Variants in FRY observed in about 807,000 individuals in gnomAD.
The protein encoded by FRY is FRY microtubule binding protein.
Under a neutral mutation model 348.4 loss-of-function variants are expected in FRY, and 128 were observed. The observed-to-expected ratio is 0.37, with a 90% confidence interval of 0.32 to 0.43. The LOEUF is 0.43. Among genes scored for constraint, FRY ranks in the 20% least tolerant of loss-of-function variants. The pLI is 1.00. For missense variants in FRY, 2,736 were observed against 3,695.2 expected (o/e 0.74, Z 6.73); for synonymous variants, 1,370 against 1,374.7 (o/e 1.00, Z 0.08).
rs370365512 is a variant in FRY, at chr13:32,254,334, G to A, written c.7356G>A (p.Glu2452=). The change falls in exon 51 of 61, where the codon GAG becomes GAA. Residue 2452 remains glutamate, a synonymous_variant. Coordinates refer to ENST00000542859, the MANE Select transcript of FRY (RefSeq NM_023037.3). The part of the protein sequence containing the change: ...EQENMDDTNS[E]QQFRVFRDFD... ...AGAACATGGATGACACAAACAGCGA[G>A]CAGCAGTTTAGAGTCTTCAGAGACT... The A allele has an allele frequency of 5.0e-6, 8 of 1,613,928 alleles. No individual in the cohort carries two copies. Among genetic ancestry groups the A allele is most frequent in the African/African-American group, 1.3e-5 (1 of 74,924 alleles).
intron 2 of FRY, 34 bp from the exon 3 acceptor site, chr13:32,101,929 T>A: frequency 8.8e-7 from 1 of 1,140,530 alleles, no homozygotes; most frequent in Non-Finnish European, 1.3e-6. Flanking sequence ...GAGACTCTAA[T>A]AATTATTCTT....
intron 55 of FRY, among the ~76,000 whole-genome samples, chr13:32,273,892 G>A (rs1888349960): frequency 1.3e-5 from 2 of 152,140 alleles, no homozygotes; most frequent in African/African-American, 2.4e-5. Flanking sequence ...TACAGGCTGA[G>A]CATCCCAAAT....
intron 1 of FRY, among the ~76,000 whole-genome samples, chr13:32,074,741 A>G (rs1874918854): frequency 2.0e-5 from 3 of 152,370 alleles, no homozygotes; most frequent in Middle Eastern, 3.4e-3. Flanking sequence ...AGCAACAGGA[A>G]CAATTGTTTC....
intron 51 of FRY, chr13:32,261,391 A>T (rs1271976577): frequency 2.8e-6 from 2 of 721,460 alleles, no homozygotes; most frequent in East Asian, 5.0e-5. Context: ...GCCAAAGAAA[A>T]GTATGTAATC....
chr13:32,157,430 T>G (rs1330474722), intron 16 of FRY, 25 bp downstream of exon 16: 1 of 1,607,268 alleles, frequency 6.2e-7, no homozygotes, highest in East Asian at 2.2e-5. Flanking sequence ...GACTAAGTTA[T>G]CAGTGAAAGA....
intron 55 of FRY, among the ~76,000 whole-genome samples, chr13:32,269,896 C>G (rs1303645154): frequency 6.6e-6 from 1 of 152,178 alleles, no homozygotes; most frequent in East Asian, 1.9e-4. Context: ...GTGCAGATAG[C>G]TACTTGGACT....
intron 14 of FRY, among the ~76,000 whole-genome samples, chr13:32,151,871 G>A (rs1358784728): frequency 1.3e-5 from 2 of 152,300 alleles, no homozygotes; most frequent in Non-Finnish European, 2.9e-5. Flanking sequence ...TTAATTCACA[G>A]AGAACATGAT....
chr13:32,139,209 G>GA (rs1296988472), intron 11 of FRY, among the ~76,000 whole-genome samples: 3 of 152,142 alleles, frequency 2.0e-5, no homozygotes, highest in African/African-American at 4.8e-5. Flanking sequence ...AAATACCTGA[G>GA]AAAAAACTAA....
intron 51 of FRY, 50 bp downstream of exon 51, chr13:32,254,444 A>T: frequency 6.8e-7 from 1 of 1,481,248 alleles, no homozygotes. Context: ...TTCCTTGACT[A>T]ATGAAACTAT....
intron 51 of FRY, among the ~76,000 whole-genome samples, chr13:32,256,959 A>G (rs55633516): frequency 6.6e-6 from 1 of 152,162 alleles, no homozygotes; most frequent in African/African-American, 2.4e-5. Context: ...TGCAGTCAAA[A>G]CTTTGTTTCA....
chr13:32,255,105 C>T (rs9285090), intron 51 of FRY, among the ~76,000 whole-genome samples: 4,091 of 152,216 alleles, frequency 0.027, 206 homozygotes, highest in African/African-American at 0.093. Context: ...ATTTCAGTAG[C>T]TTAGAGGCAT....
chr13:32,288,300 A>G (rs897526317), intron 58 of FRY, among the ~76,000 whole-genome samples: 2 of 152,252 alleles, frequency 1.3e-5, no homozygotes, highest in African/African-American at 4.8e-5. Context: ...ACCACAAAAT[A>G]CAATGTTTTA....
At position 32,079,091 on chromosome 13, in the gene FRY, T is replaced by C. The variant is rs1875304210; in HGVS notation, c.270+58T>C. On this transcript the variant is annotated intron_variant, in intron 2 of 60. Coordinates refer to ENST00000542859, the MANE Select transcript of FRY (RefSeq NM_023037.3). ...AAATTCATCTGTATGCTGAATATAC[T>C]AGATTTAAACACTATAACAAAAGAT... 55 of 1,147,748 alleles carry C rather than the reference T, an allele frequency of 4.8e-5. No homozygotes were observed. The South Asian group carries it at 6.7e-4, about 14-fold the overall frequency. 71.1% of individuals were successfully genotyped at this position (1,147,748 alleles called of 1,614,324 possible).
At chr13:32,275,035 C>T (rs369531447) in intron 56 of FRY, 44 bp downstream of exon 56, 142 of 1,552,224 alleles carry the variant, frequency 9.1e-5, no homozygotes, top group Non-Finnish European at 1.2e-4. Context: ...GCCTACGCAA[C>T]CTACAGTGCA....
chr13:32,043,596 C>A (rs573751988), intron 1 of FRY, among the ~76,000 whole-genome samples: 1 of 152,210 alleles, frequency 6.6e-6, no homozygotes, highest in African/African-American at 2.4e-5. Context: ...TCGTCATTGG[C>A]AAGATAAAGA....
At chr13:32,039,394 T>C (rs541546745) in intron 1 of FRY, among the ~76,000 whole-genome samples, 2 of 152,166 alleles carry the variant, frequency 1.3e-5, no homozygotes, top group African/African-American at 4.8e-5. Context: ...TCATCCTGAG[T>C]GGTTCTCTCA....
intron 51 of FRY, among the ~76,000 whole-genome samples, chr13:32,255,207 C>A (rs1420462794): frequency 6.6e-6 from 1 of 152,120 alleles, no homozygotes; most frequent in Non-Finnish European, 1.5e-5. Context: ...TCGTTCGGAA[C>A]CGGGCTCATG....
chr13:32,262,586 A>T lies in FRY; in HGVS notation c.7779+111A>T. 2.5e-6 allele frequency: 2 copies of T among 812,378 alleles called. 1 individual carries two copies. Among genetic ancestry groups the T allele is most frequent in the South Asian group, 3.0e-5 (2 of 67,666 alleles). The allele number at this position is 812,378 out of a possible 1,614,324, so 50.3% of individuals were successfully genotyped here. ...GGTCTCAAGTAGAAAGACTATCTTT[A>T]TCTTTTTCTTTCTCTCTTTTTTAAA... On this transcript the variant is annotated intron_variant, in intron 53 of 60. Coordinates refer to ENST00000542859, the MANE Select transcript of FRY (RefSeq NM_023037.3).
chr13:32,230,443 G>T (rs1885846400), intron 40 of FRY, among the ~76,000 whole-genome samples: 1 of 152,186 alleles, frequency 6.6e-6, no homozygotes, highest in East Asian at 1.9e-4. Context: ...TGTATATATA[G>T]TTTGCTAAGG....
Sources: allele counts gnomAD v4.1 joint callset (sites outside exome capture counted in the v4.1 genomes callset), GRCh38; gene constraint gnomAD v4.1.1; transcripts MANE v1.5; gene names NCBI Gene and HGNC (gene_info 2026-07-23, HGNC 2026-07-21).